The following JMJD1C variants were observed in gnomAD, a reference collection of about 807,000 sequenced individuals.
The protein encoded by JMJD1C is jumonji domain containing 1C.
JMJD1C carries 31 observed loss-of-function variants against 245.3 expected under a neutral mutation model. The ratio of observed to expected loss-of-function variants is 0.13; its 90% CI spans 0.09 to 0.17. The LOEUF is 0.17. Among genes scored for constraint, JMJD1C ranks in the 10% least tolerant of loss-of-function variants. The pLI, the probability that JMJD1C is intolerant of heterozygous loss-of-function variation, is 1.00. For missense variants in JMJD1C, 2,691 were observed against 3,000.2 expected, an observed-to-expected ratio of 0.90 and a Z score of 2.41; for synonymous variants, 1,057 against 1,017.4, an observed-to-expected ratio of 1.04 and a Z score of -0.74.
intron 24 of JMJD1C, 58 bp downstream of exon 24, chr10:63,176,239 T>C (rs1443487241): frequency 2.2e-6 from 3 of 1,345,140 alleles, no homozygotes; most frequent in South Asian, 1.6e-5. Flanking sequence ...GCAATTTTTT[T>C]TTCAAAACTA....
intron 2 of JMJD1C, among the ~76,000 whole-genome samples, chr10:63,348,143 T>C (rs941799117): frequency 6.7e-6 from 1 of 149,912 alleles, no homozygotes. Flanking sequence ...GAGGCAGAGG[T>C]TGCAGTGAGC....
rs368900457 is a variant in JMJD1C, at chr10:63,171,609, C to G, written c.7402-3043G>C. Among the ~76,000 whole-genome samples, 5 of 152,224 alleles carry G rather than the reference C, an allele frequency of 3.3e-5. No homozygotes were observed. The South Asian group carries it at 1.0e-3, about 32-fold the overall frequency. ...CATGAGATTCCTATTTGTGTGGTTT[C>G]CAAAGTGTGGTCCCTGAACAGTAAA... On this transcript the variant is annotated intron_variant, in intron 24 of 25. Coordinates refer to ENST00000399262, the MANE Select transcript of JMJD1C (RefSeq NM_032776.3).
intron 3 of JMJD1C, among the ~76,000 whole-genome samples, chr10:63,231,565 G>A (rs552083013): frequency 1.2e-4 from 19 of 152,202 alleles, no homozygotes; most frequent in South Asian, 2.1e-4. Flanking sequence ...AGGCCACGGC[G>A]GGCAGATCAC....
chr10:63,366,643 A>G (rs1945865887), intron 2 of JMJD1C, among the ~76,000 whole-genome samples: 1 of 152,238 alleles, frequency 6.6e-6, no homozygotes, highest in Non-Finnish European at 1.5e-5. Flanking sequence ...AAGGCCACTC[A>G]TGGTATAAAA....
intron 3 of JMJD1C, among the ~76,000 whole-genome samples, chr10:63,243,612 C>T (rs1851798760): frequency 1.3e-5 from 2 of 152,034 alleles, no homozygotes; most frequent in Non-Finnish European, 2.9e-5. Flanking sequence ...GTTCTTGGTA[C>T]AAAGGCAGAA....
At chr10:63,274,991 T>C (rs1359931340) in intron 2 of JMJD1C, among the ~76,000 whole-genome samples, 1 of 152,028 alleles carries the variant, frequency 6.6e-6, no homozygotes. Flanking sequence ...GCCCAGGGAG[T>C]AGGAGACCAG....
intron 13 of JMJD1C, among the ~76,000 whole-genome samples, chr10:63,196,553 G>A (rs1456000320): frequency 6.6e-6 from 1 of 152,158 alleles, no homozygotes. Context: ...ATCAGTAGAA[G>A]ATACTGATGG....
chr10:63,323,610 T>G (rs1450917572), intron 2 of JMJD1C, among the ~76,000 whole-genome samples: 1 of 152,194 alleles, frequency 6.6e-6, no homozygotes, highest in African/African-American at 2.4e-5. Flanking sequence ...GAAGTCATAC[T>G]GATAAGAGCA....
chr10:63,455,208 T>C (rs1189773861), intron 1 of JMJD1C, among the ~76,000 whole-genome samples: 5 of 152,228 alleles, frequency 3.3e-5, no homozygotes, highest in Non-Finnish European at 7.3e-5. Context: ...TTTATGTTTC[T>C]GTGGTACCCA....
At chr10:63,299,824 G>A (rs185693469) in intron 2 of JMJD1C, among the ~76,000 whole-genome samples, 2 of 151,378 alleles carry the variant, frequency 1.3e-5, no homozygotes, top group Admixed American at 1.3e-4. Flanking sequence ...TTTTGCCTTG[G>A]AAAATCATCT....
chr10:63,225,512 G>A (rs542524436), intron 3 of JMJD1C, among the ~76,000 whole-genome samples: 7 of 152,204 alleles, frequency 4.6e-5, no homozygotes, highest in African/African-American at 9.6e-5. Flanking sequence ...GGCCAGGCGC[G>A]GTGGCTCACA....
chr10:63,290,858 A>G (rs1858587262), intron 2 of JMJD1C, among the ~76,000 whole-genome samples: 1 of 143,678 alleles, frequency 7.0e-6, no homozygotes, highest in Non-Finnish European at 1.6e-5. Context: ...ACGACAAGCT[A>G]AAAAAAATCA....
chr10:63,197,224 A>C (rs1355090544), intron 13 of JMJD1C, among the ~76,000 whole-genome samples, 187 bp downstream of exon 13: 2 of 151,694 alleles, frequency 1.3e-5, no homozygotes, highest in African/African-American at 2.4e-5. Flanking sequence ...TGTAGATGCA[A>C]TTTAATTCTA....
intron 2 of JMJD1C, among the ~76,000 whole-genome samples, chr10:63,272,915 T>C (rs1162237427): frequency 6.6e-6 from 1 of 152,204 alleles, no homozygotes; most frequent in Non-Finnish European, 1.5e-5. Flanking sequence ...CAGAATCATA[T>C]AGCACAAAGT....
At chr10:63,223,041 G>T (rs1295091905) in intron 3 of JMJD1C, 10 of 1,215,366 alleles carry the variant, frequency 8.2e-6, no homozygotes, top group African/African-American at 3.1e-5. Flanking sequence ...TTTTTTCCTG[G>T]AATATAATTG....
At chr10:63,300,046 G>A (rs143497198) in intron 2 of JMJD1C, among the ~76,000 whole-genome samples, 2 of 151,826 alleles carry the variant, frequency 1.3e-5, no homozygotes, top group Admixed American at 6.6e-5. Flanking sequence ...CTGATGATCT[G>A]TGTTTTCTAG....
rs773271405 is a variant in JMJD1C at position 63,465,760 on chromosome 10, G to C, written c.-98C>G. The C allele has an allele frequency of 2.8e-6, 4 of 1,414,550 alleles. No individual in the cohort carries two copies. The highest frequency in any genetic ancestry group is 2.3e-5 in the East Asian group (1 of 42,870). The allele number at this position is 1,414,550 out of a possible 1,614,324, so 87.6% of individuals were successfully genotyped here. A position where few individuals can be genotyped will look rare whatever the true frequency, so the allele number is the denominator to read the frequency against. On this transcript the variant is annotated 5_prime_UTR_variant, in exon 1 of 26. Coordinates refer to ENST00000399262, the MANE Select transcript of JMJD1C (RefSeq NM_032776.3). ...GCTCATGCTGAGGAGAGCGGACCGG[G>C]ACACAGCAGCGGACCCGAAAGAGCG...
At chr10:63,396,922 G>A (rs1280006814) in intron 1 of JMJD1C, among the ~76,000 whole-genome samples, 1 of 145,956 alleles carries the variant, frequency 6.9e-6, no homozygotes, top group Non-Finnish European at 1.5e-5. Context: ...AGAAGAACTG[G>A]TTTTTGGTTT....
intron 2 of JMJD1C, among the ~76,000 whole-genome samples, chr10:63,367,437 G>A (rs758497913): frequency 2.6e-5 from 4 of 151,964 alleles, no homozygotes; most frequent in Non-Finnish European, 4.4e-5. Flanking sequence ...GGAGAGATGG[G>A]GTTTCTCCAT....
Sources: gnomAD v4.1 joint callset for allele counts (sites outside exome capture counted in the v4.1 genomes callset) on GRCh38, gnomAD v4.1.1 for gene constraint, MANE v1.5 for transcripts, NCBI Gene and HGNC (gene_info 2026-07-23, HGNC 2026-07-21) for gene names.